The following COL8A1 variants were observed in gnomAD, a reference collection of about 807,000 sequenced individuals.
The protein encoded by COL8A1 is collagen alpha-1(VIII) chain.
COL8A1 carries 21 observed loss-of-function variants against 42.7 expected under a neutral mutation model. That is an observed-to-expected ratio of 0.49 (90% confidence interval 0.35 to 0.71). The LOEUF is 0.71. COL8A1 is among the 30% of genes least tolerant of loss of function. The probability of loss-of-function intolerance (pLI) is 0.01; values close to 1 mark genes in which losing one functional copy is unlikely to be tolerated. For synonymous variants in COL8A1, 367 were observed against 369.1 expected, an observed-to-expected ratio of 0.99 and a Z score of 0.06; for missense variants, 788 against 962.4, an observed-to-expected ratio of 0.82 and a Z score of 2.40.
chr3:99,677,423 T>A (rs1938733098), intron 1 of COL8A1, among the ~76,000 whole-genome samples: 1 of 152,148 alleles, frequency 6.6e-6, no homozygotes, highest in African/African-American at 2.4e-5. Flanking sequence ...ATAACAGGAA[T>A]GGCCTTCAGG....
intron 1 of COL8A1, chr3:99,703,193 G>C (rs960596915): frequency 2.6e-5 from 4 of 152,236 alleles, no homozygotes; most frequent in African/African-American, 9.6e-5. Context: ...TATTTTAAGA[G>C]AATCAGTCTG....
At chr3:99,765,617 T>A (rs540813086) in intron 2 of COL8A1, among the ~76,000 whole-genome samples, 1 of 152,332 alleles carries the variant, frequency 6.6e-6, no homozygotes, top group Non-Finnish European at 1.5e-5. Flanking sequence ...CACTTCTTAT[T>A]CTACATCTAG....
intron 2 of COL8A1, among the ~76,000 whole-genome samples, chr3:99,760,746 T>A (rs1941351654): frequency 6.6e-6 from 1 of 152,130 alleles, no homozygotes; most frequent in Non-Finnish European, 1.5e-5. Context: ...CAGGAGAAAT[T>A]CTAACTATGA....
chr3:99,647,334 T>A (rs561662546), intron 1 of COL8A1, among the ~76,000 whole-genome samples: 1 of 152,336 alleles, frequency 6.6e-6, no homozygotes, highest in African/African-American at 2.4e-5. Flanking sequence ...AAGTAATACA[T>A]ACTGAATGTC....
chr3:99,655,737 T>C (rs1003651681), intron 1 of COL8A1, among the ~76,000 whole-genome samples: 1 of 152,200 alleles, frequency 6.6e-6, no homozygotes, highest in African/African-American at 2.4e-5. Flanking sequence ...AAGGTTTATA[T>C]TTGTAAGCAG....
intron 1 of COL8A1, among the ~76,000 whole-genome samples, chr3:99,683,974 T>C (rs907909197): frequency 2.6e-5 from 4 of 152,136 alleles, no homozygotes; most frequent in Non-Finnish European, 4.4e-5. Flanking sequence ...AGTTTTAGTT[T>C]GTTTGTTTGT....
At chr3:99,680,093 C>A (rs923668645) in intron 1 of COL8A1, 1 of 151,936 alleles carries the variant, frequency 6.6e-6, no homozygotes, top group African/African-American at 2.4e-5. Context: ...TGTGCTGCAC[C>A]CATTAACTCA....
chr3:99,715,649 C>T (rs540091072), intron 1 of COL8A1, among the ~76,000 whole-genome samples: 15 of 152,088 alleles, frequency 9.9e-5, no homozygotes, highest in South Asian at 4.1e-4. Context: ...TATCTCAGAA[C>T]AAGCAAAAAT....
chr3:99,665,484 T>C (rs892887043), intron 1 of COL8A1, among the ~76,000 whole-genome samples: 3 of 152,146 alleles, frequency 2.0e-5, no homozygotes, highest in Non-Finnish European at 2.9e-5. Context: ...CTTTTTAGAC[T>C]TGATCACCTT....
intron 1 of COL8A1, among the ~76,000 whole-genome samples, chr3:99,671,347 GT>G (rs1413564826): frequency 1.3e-5 from 2 of 151,908 alleles, no homozygotes; most frequent in African/African-American, 4.8e-5. Flanking sequence ...GTGTACATCA[GT>G]TTTTTTAACT....
intron 2 of COL8A1, among the ~76,000 whole-genome samples, chr3:99,751,682 TTA>T (rs1249888683): frequency 6.6e-6 from 1 of 152,254 alleles, no homozygotes; most frequent in Non-Finnish European, 1.5e-5. Context: ...AGAACTTTAA[TTA>T]TAACTCGAAT....
chr3:99,791,004 G>A lies in COL8A1; in HGVS notation c.322G>A (p.Gly108Ser), dbSNP rs1472193034. ...GGGCAAGGAAGCCGTACCCAAGAAA[G>A]GCAAAGGTAACATCATACTCCCAGG... ...RMGKEAVPKK[G>S]KEIPLASLRG... Residue 108 changes from glycine (G) to serine (S), a missense_variant, in exon 3 of 4, where the codon GGC becomes AGC. Around this residue, in one of 4 missense-constraint regions of COL8A1, gnomAD observed 421 missense variants for 553.1 expected, o/e 0.76. Coordinates refer to ENST00000652472, the MANE Select transcript of COL8A1 (RefSeq NM_020351.4). 6.2e-7 allele frequency: 1 copy of A among 1,610,310 alleles called. No individual in the cohort carries two copies. Among genetic ancestry groups the A allele is most frequent in the South Asian group, 1.1e-5 (1 of 90,990 alleles).
chr3:99,712,762 A>T (rs1939876963), intron 1 of COL8A1, among the ~76,000 whole-genome samples: 1 of 152,018 alleles, frequency 6.6e-6, no homozygotes, highest in Non-Finnish European at 1.5e-5. Context: ...GTGACTTATC[A>T]CCCTGGCTTG....
At chr3:99,731,390 C>T (rs759984069) in intron 1 of COL8A1, among the ~76,000 whole-genome samples, 1 of 152,102 alleles carries the variant, frequency 6.6e-6, no homozygotes, top group Non-Finnish European at 1.5e-5. Context: ...TAAGGATCAG[C>T]TCTCTGTTTT....
intron 2 of COL8A1, among the ~76,000 whole-genome samples, chr3:99,774,758 G>C (rs1164291789): frequency 1.3e-5 from 2 of 152,186 alleles, no homozygotes; most frequent in African/African-American, 4.8e-5. Flanking sequence ...AGTCATTCCA[G>C]GACAGGAGCC....
At chr3:99,768,902 G>A (rs1941522822) in intron 2 of COL8A1, among the ~76,000 whole-genome samples, 1 of 152,178 alleles carries the variant, frequency 6.6e-6, no homozygotes, top group Non-Finnish European at 1.5e-5. Context: ...GTGAATTCTA[G>A]GTTATTCATG....
intron 1 of COL8A1, among the ~76,000 whole-genome samples, chr3:99,712,170 T>C (rs1939855491): frequency 6.6e-6 from 1 of 152,172 alleles, no homozygotes; most frequent in Non-Finnish European, 1.5e-5. Flanking sequence ...AATCAGGTGT[T>C]ATTATCCTCA....
At chr3:99,763,683 G>A (rs771635244) in intron 2 of COL8A1, among the ~76,000 whole-genome samples, 2 of 152,080 alleles carry the variant, frequency 1.3e-5, no homozygotes, top group Non-Finnish European at 2.9e-5. Flanking sequence ...CAGAGCTGGG[G>A]TTTTAACCCA....
At chr3:99,755,600 T>G (rs1941238696) in intron 2 of COL8A1, among the ~76,000 whole-genome samples, 1 of 152,132 alleles carries the variant, frequency 6.6e-6, no homozygotes, top group Non-Finnish European at 1.5e-5. Flanking sequence ...TAGAGAATGA[T>G]AGGATGAGGG....
Sources: allele counts gnomAD v4.1 joint callset (sites outside exome capture counted in the v4.1 genomes callset), GRCh38; gene constraint gnomAD v4.1.1; regional missense constraint gnomAD v4.1.1; transcripts MANE v1.5; gene names NCBI Gene and HGNC (gene_info 2026-07-23, HGNC 2026-07-21).